The following NRG1 variants were observed in gnomAD, a reference collection of about 807,000 sequenced individuals.
NRG1 encodes neuregulin 1.
NRG1 carries 18 observed loss-of-function variants against 63.8 expected under a neutral mutation model. That is an observed-to-expected ratio of 0.28 (90% CI 0.19 to 0.42). The LOEUF (loss-of-function observed/expected upper bound fraction) is 0.42. Among genes scored for constraint, NRG1 ranks in the 10% least tolerant of loss-of-function variants. NRG1 has a pLI of 1.00. For synonymous variants in NRG1, 302 were observed against 301.3 expected (o/e 1.00, Z -0.02); for missense variants, 762 against 814.7 (o/e 0.94, Z 0.79).
chr8:32,258,847 G>C (rs1248258043), intron 1 of NRG1, among the ~76,000 whole-genome samples: 1 of 152,150 alleles, frequency 6.6e-6, no homozygotes, highest in Non-Finnish European at 1.5e-5. Context: ...CAAACAAATA[G>C]TGGAGTTAAA....
intron 1 of NRG1, among the ~76,000 whole-genome samples, chr8:32,430,188 C>T (rs1018935825): frequency 2.0e-5 from 3 of 152,164 alleles, no homozygotes; most frequent in African/African-American, 7.2e-5. Flanking sequence ...CACCTAAGGC[C>T]AAATTCCCAT....
chr8:32,343,154 A>G (rs1011036960), intron 1 of NRG1, among the ~76,000 whole-genome samples: 7 of 152,202 alleles, frequency 4.6e-5, no homozygotes, highest in Non-Finnish European at 7.4e-5. Flanking sequence ...CTATTTTGAT[A>G]GCCTGTTTGG....
chr8:31,852,058 G>A (rs761277096), intron 1 of NRG1, among the ~76,000 whole-genome samples: 6,444 of 149,690 alleles, frequency 0.043, 396 homozygotes, highest in African/African-American at 0.15. Flanking sequence ...GAATAGTGCC[G>A]CAATAAACAT....
chr8:32,671,794 C>T (rs916076706), intron 5 of NRG1, among the ~76,000 whole-genome samples: 3 of 152,208 alleles, frequency 2.0e-5, no homozygotes, highest in South Asian at 2.1e-4. Flanking sequence ...ATTTAAACAA[C>T]AATTCAGTTA....
chr8:31,683,812 A>G (rs9297176), intron 1 of NRG1, among the ~76,000 whole-genome samples: 2,619 of 151,976 alleles, frequency 0.017, 93 homozygotes, highest in African/African-American at 0.058. Flanking sequence ...CTATATGGGA[A>G]CTCTCACTAC....
At chr8:32,374,262 A>G (rs1809326338) in intron 1 of NRG1, among the ~76,000 whole-genome samples, 1 of 152,230 alleles carries the variant, frequency 6.6e-6, no homozygotes, top group African/African-American at 2.4e-5. Flanking sequence ...AGAAAAACAC[A>G]TAAAAGCAGT....
At chr8:32,481,324 T>G (rs1825253362) in intron 1 of NRG1, among the ~76,000 whole-genome samples, 1 of 149,596 alleles carries the variant, frequency 6.7e-6, no homozygotes, top group African/African-American at 2.5e-5. Context: ...GGGTAACCCA[T>G]TGAGAACCTG....
At chr8:31,737,578 T>C (rs1007722226) in intron 1 of NRG1, among the ~76,000 whole-genome samples, 1 of 152,152 alleles carries the variant, frequency 6.6e-6, no homozygotes, top group African/African-American at 2.4e-5. Flanking sequence ...CAAGGTAAAA[T>C]TATCTCCCAC....
intron 10 of NRG1, 127 bp from the exon 11 acceptor site, chr8:32,760,073 T>C: frequency 1.0e-6 from 1 of 997,636 alleles, no homozygotes; most frequent in Non-Finnish European, 1.5e-6. Flanking sequence ...AGACAAGTGA[T>C]GTTACAGTGA....
rs139130946 is a variant in NRG1 at position 31,876,625 on chromosome 8, A to T, written c.37+237194A>T. Among the ~76,000 whole-genome samples, 290 of 152,286 alleles carry T rather than the reference A, an allele frequency of 1.9e-3. 5 individuals carry two copies. The East Asian group carries it at 0.049, about 26-fold the overall frequency. ...TAGACCAGTGGGGCTGAGAAAATTT[A>T]AAAAATATTCAAGCAGTAGAAATTT... is the stretch of plus-strand genomic sequence containing the variant. On this transcript the variant is annotated intron_variant, in intron 1 of 10. Coordinates refer to the NRG1 transcript ENST00000519301.
At chr8:32,396,092 C>T (rs935772324) in intron 1 of NRG1, among the ~76,000 whole-genome samples, 1 of 152,140 alleles carries the variant, frequency 6.6e-6, no homozygotes, top group South Asian at 2.1e-4. Context: ...ATATACTTAT[C>T]CTTAAACCAG....
chr8:32,728,584 T>C, intron 6 of NRG1: 1 of 984,608 alleles, frequency 1.0e-6, no homozygotes, highest in Non-Finnish European at 1.2e-6. Flanking sequence ...GCATAACTAT[T>C]TTTTAAACGG....
At chr8:31,970,649 C>T in intron 1 of NRG1, among the ~76,000 whole-genome samples, 1 of 152,120 alleles carries the variant, frequency 6.6e-6, no homozygotes, top group South Asian at 2.1e-4. Flanking sequence ...GGCCTGTTAC[C>T]ACCCACTGTT....
chr8:32,415,450 T>A (rs114699229), intron 1 of NRG1, among the ~76,000 whole-genome samples: 1,978 of 150,900 alleles, frequency 0.013, 42 homozygotes, highest in African/African-American at 0.046. Context: ...GCAATCACAA[T>A]ACATTTATGT....
At chr8:32,424,913 T>A (rs1340981594) in intron 1 of NRG1, among the ~76,000 whole-genome samples, 1 of 151,770 alleles carries the variant, frequency 6.6e-6, no homozygotes, top group African/African-American at 2.4e-5. Flanking sequence ...ACAAAAAAAA[T>A]TGGAGGGAAT....
At chr8:32,556,744 G>A (rs1835244895) in intron 1 of NRG1, among the ~76,000 whole-genome samples, 1 of 152,150 alleles carries the variant, frequency 6.6e-6, no homozygotes, top group Non-Finnish European at 1.5e-5. Flanking sequence ...GATATAGCCA[G>A]TTTTTAAAAC....
intron 1 of NRG1, among the ~76,000 whole-genome samples, chr8:32,151,814 GTGT>G (rs1233629242): frequency 6.6e-6 from 1 of 152,104 alleles, no homozygotes; most frequent in African/African-American, 2.4e-5. Context: ...GTGCCTTTGG[GTGT>G]TGTTCATAAA....
chr8:31,660,747 T>A (rs1805908636), intron 1 of NRG1, among the ~76,000 whole-genome samples: 2 of 152,218 alleles, frequency 1.3e-5, no homozygotes, highest in Non-Finnish European at 2.9e-5. Flanking sequence ...TAGAAGGAAA[T>A]AGAATTATAC....
chr8:31,644,113 G>C (rs2130845062), intron 1 of NRG1, among the ~76,000 whole-genome samples: 1 of 152,284 alleles, frequency 6.6e-6, no homozygotes, highest in South Asian at 2.1e-4. Context: ...ATGCTGCAGA[G>C]ATTTTCCAGT....
Sources: gnomAD v4.1 joint callset for allele counts (sites outside exome capture counted in the v4.1 genomes callset) on GRCh38, gnomAD v4.1.1 for gene constraint, MANE v1.5 for transcripts, NCBI Gene and HGNC (gene_info 2026-07-23, HGNC 2026-07-21) for gene names.